Variants in TBC1D8B observed in about 807,000 individuals in gnomAD.
The protein encoded by TBC1D8B is TBC1 domain family member 8B.
Under a neutral mutation model 82.9 loss-of-function variants are expected in TBC1D8B, and 75 were observed. The ratio of observed to expected loss-of-function variants is 0.90; its 90% confidence interval spans 0.75 to 1.10. The LOEUF (loss-of-function observed/expected upper bound fraction) is 1.10. TBC1D8B is among the 50% of genes least tolerant of loss of function. The pLI is 0.00. For missense variants in TBC1D8B, 794 were observed against 796.9 expected (o/e 1.00, Z 0.04); for synonymous variants, 276 against 276.8 (o/e 1.00, Z 0.03).
chrX:106,868,660 C>T (rs1051863955), intron 18 of TBC1D8B, among the ~76,000 whole-genome samples, 184 bp downstream of exon 18: 16 of 111,791 alleles, frequency 1.4e-4, no homozygotes, highest in African/African-American at 4.9e-4. Context: ...CATTTTGGTG[C>T]TTTGATTTGT....
chrX:106,822,138 T>C lies in TBC1D8B; in HGVS notation c.522T>C (p.Cys174=). ...GTTATTGGAAAGGACGGGTTCCTTG[T>C]CAGGGTTGGCTTTATCTTAGCACCA... is the stretch of plus-strand genomic sequence containing the variant. ...SCSYWKGRVP[C]QGWLYLSTNF... is the part of the protein sequence containing the mutation. The change falls in exon 4 of 21, where the codon TGT becomes TGC. Residue 174 remains cysteine (C), a synonymous_variant. Transcript: ENST00000357242. 8.3e-7 allele frequency: 1 copy of C among 1,210,450 alleles called. No individual in the cohort carries two copies. Among genetic ancestry groups the C allele is most frequent in the Middle Eastern group, 2.3e-4 (1 of 4,343 alleles).
chrX:106,825,698 T>G (rs1374994016), intron 5 of TBC1D8B, among the ~76,000 whole-genome samples: 1 of 111,323 alleles, frequency 9.0e-6, no homozygotes, highest in African/African-American at 3.3e-5. Flanking sequence ...AGGATTGATT[T>G]TAACCATAGT....
At chrX:106,807,454 CTT>C (rs753069652) in intron 1 of TBC1D8B, among the ~76,000 whole-genome samples, 4,451 of 85,565 alleles carry the variant, frequency 0.052, 359 homozygotes, top group African/African-American at 0.19. Context: ...TTACCCTCAC[CTT>C]TTTTTTTTTT....
rs765111849 is a variant in TBC1D8B at position 106,802,791 on chromosome X, C to A, written c.-63C>A. On this transcript the variant is annotated 5_prime_UTR_variant, in exon 1 of 21. Transcript: ENST00000357242. ...GGGAGGAGAAGCAGAGGGGAAGAGA[C>A]GGGTTGAGAGTGAGGTGAGGAGGGC... 1 of 1,189,164 alleles carries A rather than the reference C, an allele frequency of 8.4e-7. No individual in the cohort carries two copies. Among genetic ancestry groups the A allele is most frequent in the African/African-American group, 1.8e-5 (1 of 57,075 alleles).
chrX:106,848,119 G>C, intron 10 of TBC1D8B, 67 bp from the exon 11 acceptor site: 1 of 733,298 alleles, frequency 1.4e-6, no homozygotes, highest in Non-Finnish European at 2.0e-6. Context: ...AAACTATTAT[G>C]TTTGAAGAAG....
At position 106,875,041 on chromosome X, in the gene TBC1D8B, T is replaced by C. The variant is rs1171754549; in HGVS notation, c.*1076T>C. 9.0e-6 allele frequency: 1 copy of C among 111,342 alleles called. No individual in the cohort carries two copies. Among genetic ancestry groups the C allele is most frequent in the African/African-American group, 3.3e-5 (1 of 30,608 alleles). The allele number at this position is 111,342 out of a possible 1,213,427, so 9.2% of individuals were successfully genotyped here. A position where few individuals can be genotyped will look rare whatever the true frequency, so the allele number is the denominator to read the frequency against. On this transcript the variant is annotated 3_prime_UTR_variant, in exon 21 of 21. Transcript: ENST00000357242. ...TTAGATGTGTAATTTCTATATACTT[T>C]ATGCTGTTTATATTTCAGTCATTAC...
Position 106,875,285 on chromosome X carries a change from G to A in TBC1D8B, c.*1320G>A, listed in dbSNP as rs1932879881. 8.9e-6 allele frequency: 1 copy of A among 111,838 alleles called. No homozygotes were observed. Among genetic ancestry groups the A allele is most frequent in the Admixed American group, 9.5e-5 (1 of 10,479 alleles). The allele number at this position is 111,838 out of a possible 1,213,427, so 9.2% of individuals were successfully genotyped here. On this transcript the variant is annotated 3_prime_UTR_variant, in exon 21 of 21. Transcript: ENST00000357242. ...TTTCTAGATGTGAAACCATGAAAGG[G>A]CAGACCTCCTTCAGAGTGACTCAAG...
rs777197455 is a variant in TBC1D8B, at chrX:106,865,945, TAAAG to T, written c.2576_2579del (p.Lys859ThrfsTer3). On this transcript the variant is annotated frameshift_variant, in exon 16 of 21. Transcript: ENST00000357242. LOFTEE classifies it high-confidence loss of function. ...TGAGTCCCTGGGCTCATTCTGCAAA[TAAAG>T]ACTCACTAGCTTTATGGACATTCAG... 1.7e-6 allele frequency: 2 copies of T among 1,210,439 alleles called. No individual in the cohort carries two copies. Among genetic ancestry groups the T allele is most frequent in the African/African-American group, 1.7e-5 (1 of 57,531 alleles).
chrX:106,821,883 A>G (rs761073815), intron 3 of TBC1D8B, 94 bp from the exon 4 acceptor site: 1 of 707,331 alleles, frequency 1.4e-6, no homozygotes, highest in South Asian at 3.0e-5. Context: ...TGGAGGGCTG[A>G]CTGTACAATT....
chrX:106,833,801 A>G (rs1932101653), intron 7 of TBC1D8B, among the ~76,000 whole-genome samples: 1 of 111,204 alleles, frequency 9.0e-6, no homozygotes, highest in East Asian at 2.8e-4. Context: ...AGAACAATAG[A>G]TAAACTGATG....
chrX:106,823,876 A>G (rs758927964), intron 5 of TBC1D8B, among the ~76,000 whole-genome samples: 2 of 111,116 alleles, frequency 1.8e-5, no homozygotes, highest in South Asian at 7.6e-4. Context: ...TTTAATGAAG[A>G]GGCAAGTTCG....
chrX:106,821,221 T>C (rs960268828), intron 3 of TBC1D8B, among the ~76,000 whole-genome samples: 3 of 111,226 alleles, frequency 2.7e-5, no homozygotes, highest in African/African-American at 9.8e-5. Context: ...TACTGGTTAT[T>C]CTTTAGGTAC....
At position 106,873,789 on chromosome X, in the gene TBC1D8B, G is replaced by A. The variant is rs143560463; in HGVS notation, c.3187G>A (p.Glu1063Lys). ...TGAGGAAAAAACAGGGAGCCACTTG[G>A]AGAAAGATCCTTGTTCCTTTAGGGA... Reference protein sequence around the residue: ...PSEEKTGSHLEKDPCSFREEP... With the variant: ...PSEEKTGSHLKKDPCSFREEP... Residue 1063 changes from glutamate (E) to lysine (K), a missense_variant, in exon 21 of 21, where the codon GAG (glutamate) becomes AAG (lysine). Coordinates refer to ENST00000357242, the MANE Select transcript of TBC1D8B (RefSeq NM_017752.3). The A allele has an allele frequency of 8.5e-4, 1,026 of 1,210,358 alleles. 1 individual carries two copies. Among genetic ancestry groups the A allele is most frequent in the Non-Finnish European group, 1.1e-3 (977 of 895,319 alleles).
chrX:106,847,136 A>T (rs926281213), intron 10 of TBC1D8B, among the ~76,000 whole-genome samples: 6 of 111,889 alleles, frequency 5.4e-5, no homozygotes, highest in Admixed American at 9.5e-5. Flanking sequence ...TTGGATGAAA[A>T]TTTATATAAA....
At chrX:106,818,803 A>T in intron 2 of TBC1D8B, 30 bp downstream of exon 2, 1 of 1,074,135 alleles carries the variant, frequency 9.3e-7, no homozygotes, top group East Asian at 3.0e-5. Context: ...CATAATTCAA[A>T]TTAAATAAGG....
At chrX:106,866,746 TTGAA>T in intron 16 of TBC1D8B, 47 bp from the exon 17 acceptor site, 1 of 891,533 alleles carries the variant, frequency 1.1e-6, no homozygotes, top group Non-Finnish European at 1.6e-6. Flanking sequence ...CTGAAATTGA[TTGAA>T]TGTTCTTTAG....
Position 106,860,403 on chromosome X carries a change from G to T in TBC1D8B, c.2353-5156G>T, listed in dbSNP as rs1300368748. Among the ~76,000 whole-genome samples, 5 of 101,715 alleles carry T rather than the reference G, an allele frequency of 4.9e-5. No homozygotes were observed. In the East Asian group the frequency reaches 1.6e-3, roughly 33 times the overall value. 88.3% of individuals were successfully genotyped at this position (101,715 alleles called of 115,157 possible). The stretch of plus-strand genomic sequence containing the variant: ...TGTGTGTGTTTCTGATTCAATTTTA[G>T]AACTTGTTTTTGGTCTGTTCAGGGT... On this transcript the variant is annotated intron_variant, in intron 14 of 20. Coordinates refer to ENST00000357242, the MANE Select transcript of TBC1D8B (RefSeq NM_017752.3).
Position 106,854,237 on chromosome X carries a change from C to A in TBC1D8B, c.2293C>A (p.Arg765Ser). ...NIRYEDIHSM[R>S]CRNRLYVIQT... ...TCGCTATGAAGATATACATAGTATG[C>A]GCTGTCGAAATAGGTTGTATGTGAT... The change falls in exon 14 of 21, where the codon CGC becomes AGC. Residue 765 changes from arginine (R) to serine (S), a missense_variant. Arg to Ser is a moderately radical substitution (Grantham distance 110). Coordinates refer to ENST00000357242, the MANE Select transcript of TBC1D8B (RefSeq NM_017752.3). 8.4e-7 allele frequency: 1 copy of A among 1,195,268 alleles called. No individual in the cohort carries two copies. Among genetic ancestry groups the A allele is most frequent in the Non-Finnish European group, 1.1e-6 (1 of 888,455 alleles).
chrX:106,825,364 G>A (rs1931811078), intron 5 of TBC1D8B, among the ~76,000 whole-genome samples: 1 of 111,309 alleles, frequency 9.0e-6, no homozygotes, highest in Non-Finnish European at 1.9e-5. Context: ...ATTGTTTCGT[G>A]TGCCTAGAAA....
Sources: gnomAD v4.1 joint callset for allele counts (sites outside exome capture counted in the v4.1 genomes callset) on GRCh38, gnomAD v4.1.1 for gene constraint, MANE v1.5 for transcripts, NCBI Gene and HGNC (gene_info 2026-07-23, HGNC 2026-07-21) for gene names.